The following FBXL3 variants were observed in gnomAD, a reference collection of about 807,000 sequenced individuals.
The protein encoded by FBXL3 is F-box and leucine rich repeat protein 3, also known as F-box/LRR-repeat protein 3.
A neutral mutation model predicts 37.9 loss-of-function variants in FBXL3; 14 were observed. The observed-to-expected ratio is 0.37, with a 90% CI of 0.24 to 0.58. The LOEUF (loss-of-function observed/expected upper bound fraction) is 0.58, where lower values mean the gene tolerates loss of function less well. Ranked by LOEUF, FBXL3 falls within the 20% of genes least tolerant of loss-of-function variation. The pLI is 0.74. For synonymous variants in FBXL3, 194 were observed against 180.1 expected (o/e 1.08, Z -0.62); for missense variants, 327 against 511.1 (o/e 0.64, Z 3.47).
At chr13:77,017,713 T>C (rs1017919040) in intron 3 of FBXL3, 1 of 152,196 alleles carries the variant, frequency 6.6e-6, no homozygotes, top group African/African-American at 2.4e-5. Context: ...AAAATATACA[T>C]ATGTAATGAA....
intron 1 of FBXL3, among the ~76,000 whole-genome samples, 180 bp from the exon 2 acceptor site, chr13:77,022,041 A>T (rs945436406): frequency 6.6e-6 from 1 of 152,196 alleles, no homozygotes; most frequent in African/African-American, 2.4e-5. Context: ...AAGGCCAACA[A>T]TGGTTTTATA....
chr13:77,017,763 GATTT>G (rs1289693383), intron 3 of FBXL3: 1 of 152,012 alleles, frequency 6.6e-6, no homozygotes, highest in Non-Finnish European at 1.5e-5. Flanking sequence ...ATCAACTGGT[GATTT>G]ATTTGGTACA....
At chr13:77,019,755 A>G (rs2034707378) in intron 2 of FBXL3, among the ~76,000 whole-genome samples, 2 of 152,162 alleles carry the variant, frequency 1.3e-5, no homozygotes, top group Admixed American at 1.3e-4. Flanking sequence ...CTTGGTCTAT[A>G]ATCAGTGAAG....
chr13:77,021,891 C>G, intron 1 of FBXL3, 30 bp from the exon 2 acceptor site: 13 of 1,528,660 alleles, frequency 8.5e-6, no homozygotes, highest in Non-Finnish European at 1.2e-5. Flanking sequence ...AGTTTTTTTC[C>G]TACTCAACTT....
rs1036219801 is a variant in FBXL3 at position 77,006,385 on chromosome 13, C to G, written c.*760G>C. The G allele has an allele frequency of 2.0e-5, 3 of 152,138 alleles. No homozygotes were observed. The highest frequency in any genetic ancestry group is 7.2e-5 in the African/African-American group (3 of 41,448). The allele number at this position is 152,138 out of a possible 1,614,324, so 9.4% of individuals were successfully genotyped here. A position where few individuals can be genotyped will look rare whatever the true frequency, so the allele number is the denominator to read the frequency against. ...AGGAGAACTAGTAAAGCATTCCTTA[C>G]TTTACATACAGTGCCTCAAGTGCCA... On this transcript the variant is annotated 3_prime_UTR_variant, in exon 5 of 5. Transcript: ENST00000355619.
rs1375842051 is a variant in FBXL3 at position 77,015,415 on chromosome 13, G to A, written c.637C>T (p.Pro213Ser). Residue 213 changes from proline (P) to serine (S), a missense_variant, in exon 4 of 5, where the codon CCA becomes TCA. Coordinates refer to ENST00000355619, the MANE Select transcript of FBXL3 (RefSeq NM_012158.4). ...LKMSSCPHVS[P>S]AGILCVADQC... ...AGCAAAAAACACAACATACCTGCTGGAGAGACATGAGGACAGCTGCTCATT... is the reference window on the plus strand; with the variant it reads ...AGCAAAAAACACAACATACCTGCTGAAGAGACATGAGGACAGCTGCTCATT... 2.6e-6 allele frequency: 4 copies of A among 1,551,238 alleles called. No homozygotes were observed. The South Asian group carries it at 5.0e-5, about 19-fold the overall frequency.
intron 1 of FBXL3, among the ~76,000 whole-genome samples, chr13:77,023,345 A>AGAGAGTGTGTGTGT (rs199568005): frequency 4.1e-5 from 6 of 147,600 alleles, no homozygotes; most frequent in East Asian, 4.0e-4. Context: ...AGAGAGAGAG[A>AGAGAGTGTGTGTGT]GTGTGTGTGT....
At chr13:77,014,720 A>T (rs2034613639) in intron 4 of FBXL3, 1 of 152,288 alleles carries the variant, frequency 6.6e-6, no homozygotes, top group Non-Finnish European at 1.5e-5. Context: ...AGGATCAGCA[A>T]ACATGTCAAT....
rs1252273299 is a variant in FBXL3 at position 77,007,123 on chromosome 13, G to C, written c.*22C>G. The C allele has an allele frequency of 6.4e-7, 1 of 1,561,102 alleles. No homozygotes were observed. The highest frequency in any genetic ancestry group is 8.7e-7 in the Non-Finnish European group (1 of 1,154,672). On this transcript the variant is annotated 3_prime_UTR_variant, in exon 5 of 5. Coordinates refer to ENST00000355619, the MANE Select transcript of FBXL3 (RefSeq NM_012158.4). ...TTATAATACATTTGCTTGAAATTAA[G>C]GTGCTATTCATCATGCAGTTTTTAC...
chr13:77,019,694 ATAAAGT>A (rs1230235482), intron 2 of FBXL3, among the ~76,000 whole-genome samples: 1 of 152,184 alleles, frequency 6.6e-6, no homozygotes, highest in African/African-American at 2.4e-5. Flanking sequence ...TTTGATGCAC[ATAAAGT>A]TAGAGAACCA....
chr13:77,008,878 G>A (rs2034497909), intron 4 of FBXL3: 1 of 152,002 alleles, frequency 6.6e-6, no homozygotes, highest in African/African-American at 2.4e-5. Context: ...ACCCCAAAGA[G>A]GCACCTTATA....
intron 1 of FBXL3, 163 bp downstream of exon 1, chr13:77,026,664 G>C (rs1032719776): frequency 2.6e-5 from 4 of 151,430 alleles, no homozygotes; most frequent in African/African-American, 9.7e-5. Context: ...TCTGGGTGCC[G>C]CGCCCCGCGC....
At chr13:77,023,002 G>A (rs2034772659) in intron 1 of FBXL3, among the ~76,000 whole-genome samples, 1 of 152,144 alleles carries the variant, frequency 6.6e-6, no homozygotes, top group Admixed American at 6.5e-5. Context: ...CTTTTCAAAG[G>A]GGAGATACGA....
At chr13:77,009,866 A>G (rs541784826) in intron 4 of FBXL3, 5 of 152,390 alleles carry the variant, frequency 3.3e-5, no homozygotes, top group African/African-American at 1.2e-4. Context: ...ATGCCCATCA[A>G]TGATAGACTA....
In FBXL3 at chr13:77,027,133, T is replaced by G. The variant is rs1048320818; in HGVS notation, c.-308A>C. ...AGCGGCTGCCACCGCGTAAGCTTCC[T>G]GCACCTGGGCCACAAACAGCGAGTC... On this transcript the variant is annotated 5_prime_UTR_variant, in exon 1 of 5. Transcript: ENST00000355619. The G allele has an allele frequency of 1.3e-5, 2 of 150,022 alleles. No individual in the cohort carries two copies. Among genetic ancestry groups the G allele is most frequent in the Non-Finnish European group, 3.0e-5 (2 of 67,708 alleles). The allele number at this position is 150,022 out of a possible 1,614,324, so 9.3% of individuals were successfully genotyped here.
intron 1 of FBXL3, among the ~76,000 whole-genome samples, chr13:77,025,776 G>GT (rs746564725): frequency 6.7e-6 from 1 of 150,360 alleles, no homozygotes; most frequent in Non-Finnish European, 1.5e-5. Context: ...GTGCATCGTT[G>GT]TATTAGGCAC....
chr13:77,026,873 G>A lies in FBXL3; in HGVS notation c.-48C>T, dbSNP rs972061583. ...CCCACACACCACCCCGTGCTCCGGGGACGGCGGCGGCTGCAGGTCCCGCGG... is the reference window on the plus strand; with the variant it reads ...CCCACACACCACCCCGTGCTCCGGGAACGGCGGCGGCTGCAGGTCCCGCGG... On this transcript the variant is annotated 5_prime_UTR_variant, in exon 1 of 5. Coordinates refer to ENST00000355619, the MANE Select transcript of FBXL3 (RefSeq NM_012158.4). The A allele has an allele frequency of 1.3e-5, 2 of 151,460 alleles. No homozygotes were observed. The highest frequency in any genetic ancestry group is 2.9e-5 in the Non-Finnish European group (2 of 67,872). 9.4% of individuals were successfully genotyped at this position (151,460 alleles called of 1,614,324 possible).
At position 77,015,548 on chromosome 13, in the gene FBXL3, G is replaced by T; in HGVS notation, c.504C>A (p.Phe168Leu). Residue 168 changes from phenylalanine to leucine, a missense_variant, in exon 4 of 5, where the codon TTC (phenylalanine) becomes TTA (leucine). Physicochemically the swap from Phe to Leu is conservative, Grantham distance 22. Coordinates refer to ENST00000355619, the MANE Select transcript of FBXL3 (RefSeq NM_012158.4). ...GCGAAGACAGGGATTTGGAGTTTAC[G>T]AACACAACTGTCAGTGCAGAGATAA... ...SHFISALTVV[F>L]VNSKSLSSLK... 2 of 1,596,548 alleles carry T rather than the reference G, an allele frequency of 1.3e-6. No homozygotes were observed. Among genetic ancestry groups the T allele is most frequent in the East Asian group, 4.5e-5 (2 of 44,120 alleles).
At chr13:77,010,020 G>C (rs577738356) in intron 4 of FBXL3, 2 of 152,196 alleles carry the variant, frequency 1.3e-5, no homozygotes, top group Admixed American at 6.5e-5. Flanking sequence ...ACCAGACACC[G>C]CATGTTCTCA....
Sources: gnomAD v4.1 joint callset for allele counts (sites outside exome capture counted in the v4.1 genomes callset) on GRCh38, gnomAD v4.1.1 for gene constraint, MANE v1.5 for transcripts, NCBI Gene and HGNC (gene_info 2026-07-23, HGNC 2026-07-21) for gene names.